Variants in LRPPRC observed in about 807,000 individuals in gnomAD.
The protein encoded by LRPPRC is leucine-rich PPR motif-containing protein, mitochondrial.
LRPPRC carries 120 observed loss-of-function variants against 180.3 expected under a neutral mutation model. The ratio of observed to expected loss-of-function variants is 0.67; its 90% CI spans 0.57 to 0.77. The LOEUF (loss-of-function observed/expected upper bound fraction) is 0.77, where lower values mean the gene tolerates loss of function less well. Ranked by LOEUF, LRPPRC falls within the 30% of genes least tolerant of loss-of-function variation. LRPPRC has a pLI of 0.00. For synonymous variants in LRPPRC, 723 were observed against 600.0 expected, an observed-to-expected ratio of 1.21 and a Z score of -3.00; for missense variants, 2,012 against 1,657.2, an observed-to-expected ratio of 1.21 and a Z score of -3.72.
At chr2:43,993,962 G>A (rs777222637) in intron 1 of LRPPRC, among the ~76,000 whole-genome samples, 3 of 152,118 alleles carry the variant, frequency 2.0e-5, no homozygotes, top group Non-Finnish European at 4.4e-5. Flanking sequence ...TAAGATGGCT[G>A]AGATTACGCA....
chr2:43,958,531 A>T (rs1486494492), intron 13 of LRPPRC, among the ~76,000 whole-genome samples: 2 of 152,218 alleles, frequency 1.3e-5, no homozygotes, highest in African/African-American at 4.8e-5. Flanking sequence ...TAAGTTTCTC[A>T]GTGCTTTTAT....
Position 43,886,967 on chromosome 2 carries a change from T to C in LRPPRC, c.*1633A>G, listed in dbSNP as rs1670291392. The C allele has an allele frequency of 1.3e-5, 2 of 151,796 alleles. No individual in the cohort carries two copies. Among genetic ancestry groups the C allele is most frequent in the South Asian group, 2.1e-4 (1 of 4,774 alleles). 9.4% of individuals were successfully genotyped at this position (151,796 alleles called of 1,614,324 possible). A position where few individuals can be genotyped will look rare whatever the true frequency, so the allele number is the denominator to read the frequency against. ...GAGTTCGAGACCAACCTGGCCAACA[T>C]GGTGAAACTCCGTCTTTACCATACA... On this transcript the variant is annotated 3_prime_UTR_variant, in exon 38 of 38. Coordinates refer to ENST00000260665, the MANE Select transcript of LRPPRC (RefSeq NM_133259.4).
chr2:43,893,770 C>G (rs1670581824), intron 36 of LRPPRC, among the ~76,000 whole-genome samples: 1 of 152,044 alleles, frequency 6.6e-6, no homozygotes, highest in Admixed American at 6.6e-5. Flanking sequence ...ACTATTAGCT[C>G]TATTTTGAAA....
At chr2:43,992,288 A>G (rs1006298962) in intron 1 of LRPPRC, among the ~76,000 whole-genome samples, 1 of 151,792 alleles carries the variant, frequency 6.6e-6, no homozygotes, top group Non-Finnish European at 1.5e-5. Flanking sequence ...AAAGCCTTAC[A>G]GATCCACAGA....
chr2:43,907,946 T>C (rs956548596), intron 30 of LRPPRC, among the ~76,000 whole-genome samples: 4 of 152,162 alleles, frequency 2.6e-5, no homozygotes, highest in African/African-American at 9.7e-5. Flanking sequence ...TATGGTATAA[T>C]ACATGTAAAA....
chr2:43,897,980 CCTT>C (rs371004387), intron 34 of LRPPRC, among the ~76,000 whole-genome samples: 141 of 149,784 alleles, frequency 9.4e-4, no homozygotes, highest in East Asian at 1.8e-3. Flanking sequence ...TGAGTATCTT[CCTT>C]CTTTTTTTTT....
intron 17 of LRPPRC, 60 bp from the exon 18 acceptor site, chr2:43,948,259 T>C: frequency 4.0e-6 from 4 of 1,008,136 alleles, no homozygotes; most frequent in Non-Finnish European, 6.4e-6. Flanking sequence ...AACTGAAATT[T>C]GTCTAACAGA....
intron 22 of LRPPRC, among the ~76,000 whole-genome samples, chr2:43,944,124 G>A (rs982875502): frequency 1.3e-5 from 2 of 151,976 alleles, no homozygotes; most frequent in African/African-American, 4.8e-5. Context: ...GGGACTATGT[G>A]CCCACTCTGT....
At position 43,960,571 on chromosome 2, in the gene LRPPRC, T is replaced by C; in HGVS notation, c.1552A>G (p.Asn518Asp). The C allele has an allele frequency of 6.2e-7, 1 of 1,602,324 alleles. No homozygotes were observed. The highest frequency in any genetic ancestry group is 8.5e-7 in the Non-Finnish European group (1 of 1,170,334). Reference sequence around the variant, plus strand: ...GATAATACAAAGTCTAAGTTCCCATTTGCTGCTTCACTTCTCAATCCAGCT... The same window carrying C: ...GATAATACAAAGTCTAAGTTCCCATCTGCTGCTTCACTTCTCAATCCAGCT... The part of the protein sequence containing the change: ...SQAGLRSEAA[N>D]GNLDFVLSFL... The change falls in exon 13 of 38, where the codon AAT (asparagine) becomes GAT (aspartate). Residue 518 changes from asparagine to aspartate, a missense_variant. By Grantham distance (23) the Asn-to-Asp change is conservative. Transcript: ENST00000260665.
At chr2:43,952,011 T>C (rs543114505) in intron 14 of LRPPRC, among the ~76,000 whole-genome samples, 21 of 152,192 alleles carry the variant, frequency 1.4e-4, no homozygotes, top group African/African-American at 4.8e-4. Context: ...CTGACTAACA[T>C]GGAGAAACCC....
rs141094431 is a variant in LRPPRC at position 43,982,184 on chromosome 2, G to C, written c.346+54C>G. ...CCCAAAGTGCTGGGATTACAGGCCTGAGCCACTGTGACCAGCCAAAAGTCA... is the reference window on the plus strand; with the variant it reads ...CCCAAAGTGCTGGGATTACAGGCCTCAGCCACTGTGACCAGCCAAAAGTCA... On this transcript the variant is annotated intron_variant, in intron 2 of 37. Transcript: ENST00000260665. 1,350 of 1,299,344 alleles carry C rather than the reference G, an allele frequency of 1.0e-3. 32 individuals are homozygous for C. In the East Asian group the frequency reaches 0.023, roughly 23 times the overall value. 80.5% of individuals were successfully genotyped at this position (1,299,344 alleles called of 1,614,324 possible). A position where few individuals can be genotyped will look rare whatever the true frequency, so the allele number is the denominator to read the frequency against.
chr2:43,909,703 T>A (rs1227985839), intron 30 of LRPPRC, among the ~76,000 whole-genome samples: 1 of 151,754 alleles, frequency 6.6e-6, no homozygotes, highest in Non-Finnish European at 1.5e-5. Flanking sequence ...GGCCTTGAAG[T>A]AGGCAATGGT....
chr2:43,950,679 A>G, intron 14 of LRPPRC, 79 bp from the exon 15 acceptor site: 1 of 937,870 alleles, frequency 1.1e-6, no homozygotes, highest in Non-Finnish European at 1.8e-6. Flanking sequence ...TGTACAGATC[A>G]AAGTATTAAA....
intron 1 of LRPPRC, among the ~76,000 whole-genome samples, chr2:43,984,039 G>A (rs1274648379): frequency 2.0e-5 from 3 of 151,962 alleles, no homozygotes; most frequent in African/African-American, 2.4e-5. Context: ...TTTGTCAAAC[G>A]AGCTGAATTA....
At chr2:43,908,213 T>C (rs548562659) in intron 30 of LRPPRC, among the ~76,000 whole-genome samples, 18 of 152,324 alleles carry the variant, frequency 1.2e-4, no homozygotes, top group Middle Eastern at 6.8e-3. Flanking sequence ...CCTAAGAATA[T>C]GGTTTAATGT....
intron 29 of LRPPRC, among the ~76,000 whole-genome samples, chr2:43,913,369 T>C (rs1308843570): frequency 6.6e-6 from 1 of 152,182 alleles, no homozygotes; most frequent in East Asian, 1.9e-4. Context: ...GGGGCATAAA[T>C]GAACTATCAC....
intron 10 of LRPPRC, 35 bp from the exon 11 acceptor site, chr2:43,973,749 C>T: frequency 6.2e-7 from 1 of 1,600,562 alleles, no homozygotes; most frequent in Non-Finnish European, 8.6e-7. Context: ...ACAAAGCTAC[C>T]TCAGCAAAAC....
intron 1 of LRPPRC, among the ~76,000 whole-genome samples, chr2:43,983,715 A>G (rs550083396): frequency 6.6e-6 from 1 of 152,328 alleles, no homozygotes; most frequent in East Asian, 1.9e-4. Context: ...CTTTAAAAAT[A>G]AAACTTACAT....
At chr2:43,909,179 T>C (rs1284360372) in intron 30 of LRPPRC, among the ~76,000 whole-genome samples, 2 of 152,222 alleles carry the variant, frequency 1.3e-5, no homozygotes, top group Non-Finnish European at 2.9e-5. Context: ...TCCAGCATTA[T>C]TTTTAAAAGT....
Sources: gnomAD v4.1 joint callset for allele counts (sites outside exome capture counted in the v4.1 genomes callset) on GRCh38, gnomAD v4.1.1 for gene constraint, MANE v1.5 for transcripts, NCBI Gene and HGNC (gene_info 2026-07-23, HGNC 2026-07-21) for gene names.